LUZP2: variants seen among roughly 807,000 people sequenced by gnomAD.
LUZP2 encodes leucine zipper protein 2.
Under a neutral mutation model 51.6 loss-of-function variants are expected in LUZP2, and 52 were observed. The ratio of observed to expected loss-of-function variants is 1.01; its 90% CI spans 0.81 to 1.27. The LOEUF is 1.27. Among genes scored for constraint, LUZP2 ranks in the 50% most tolerant of loss-of-function variants. LUZP2 has a pLI of 0.00. For missense variants in LUZP2, 436 were observed against 395.4 expected (o/e 1.10, Z -0.87); for synonymous variants, 154 against 137.3 (o/e 1.12, Z -0.85).
chr11:25,040,723 G>A lies in LUZP2; in HGVS notation c.766-9315G>A, dbSNP rs898728814. On this transcript the variant is annotated intron_variant, in intron 9 of 11. Transcript: ENST00000336930. ...TCAGCCTTAATGCTCAATGTGATGA[G>A]TTGTAGAGATGAAAGGGGCATTGTC... Among the ~76,000 whole-genome samples, 3 of 152,238 alleles carry A rather than the reference G, an allele frequency of 2.0e-5. No individual in the cohort carries two copies. In the East Asian group the frequency reaches 5.8e-4, roughly 29 times the overall value.
intron 7 of LUZP2, among the ~76,000 whole-genome samples, chr11:24,932,931 G>A (rs1004724315): frequency 9.9e-5 from 15 of 152,112 alleles, no homozygotes; most frequent in Admixed American, 5.9e-4. Flanking sequence ...CTTCCCCAAG[G>A]ACCCCTGTGA....
chr11:24,971,417 G>A (rs893955985), intron 7 of LUZP2, among the ~76,000 whole-genome samples: 4 of 152,036 alleles, frequency 2.6e-5, no homozygotes, highest in African/African-American at 9.7e-5. Context: ...CTCCTGCTGT[G>A]CTGCCCAGTT....
intron 1 of LUZP2, among the ~76,000 whole-genome samples, chr11:24,588,722 C>T (rs1455869017): frequency 1.3e-5 from 2 of 151,894 alleles, no homozygotes; most frequent in Non-Finnish European, 2.9e-5. Flanking sequence ...TTATGGGAGT[C>T]TAGGCCCTCC....
At chr11:24,530,423 G>A (rs7931728) in intron 1 of LUZP2, among the ~76,000 whole-genome samples, 120,942 of 150,734 alleles carry the variant, frequency 0.8, 49,061 homozygotes, top group African/African-American at 0.92. Context: ...ATATATATGT[G>A]TACACACACA....
At chr11:24,729,356 T>C (rs1163562778) in intron 2 of LUZP2, 70 bp downstream of exon 2, 3 of 770,378 alleles carry the variant, frequency 3.9e-6, no homozygotes, top group Admixed American at 2.6e-5. Context: ...TGGATTGACA[T>C]GCATTTTTAA....
intron 5 of LUZP2, among the ~76,000 whole-genome samples, chr11:24,807,765 T>G (rs545651136): frequency 3.9e-5 from 6 of 152,278 alleles, no homozygotes; most frequent in Admixed American, 6.5e-5. Flanking sequence ...TCTTATGACC[T>G]ACTTTTCAGG....
chr11:24,960,035 G>T (rs1228258760), intron 7 of LUZP2, among the ~76,000 whole-genome samples: 4 of 151,974 alleles, frequency 2.6e-5, no homozygotes, highest in South Asian at 2.1e-4. Context: ...TGGTTCTGTT[G>T]ATATGCTGGA....
intron 9 of LUZP2, among the ~76,000 whole-genome samples, chr11:25,037,624 C>T (rs1857906829): frequency 6.6e-6 from 1 of 152,052 alleles, no homozygotes; most frequent in Admixed American, 6.6e-5. Flanking sequence ...GTTTAGCACT[C>T]CCTTAAAGAC....
intron 1 of LUZP2, among the ~76,000 whole-genome samples, chr11:24,669,465 C>T (rs1210876254): frequency 6.6e-6 from 1 of 152,036 alleles, no homozygotes; most frequent in East Asian, 1.9e-4. Context: ...TTTTATAGAA[C>T]TAACCTTTGG....
intron 5 of LUZP2, among the ~76,000 whole-genome samples, chr11:24,791,323 T>C (rs1849402212): frequency 6.6e-6 from 1 of 152,200 alleles, no homozygotes; most frequent in Non-Finnish European, 1.5e-5. Flanking sequence ...CTGAGCTATG[T>C]ATTTGAATAT....
chr11:24,502,233 A>T (rs1207706467), intron 1 of LUZP2, among the ~76,000 whole-genome samples: 2 of 152,214 alleles, frequency 1.3e-5, no homozygotes, highest in Non-Finnish European at 2.9e-5. Flanking sequence ...AAAAGAAAAA[A>T]TATAGATACA....
intron 3 of LUZP2, among the ~76,000 whole-genome samples, chr11:24,734,390 G>A (rs1858848305): frequency 6.6e-6 from 1 of 151,684 alleles, no homozygotes; most frequent in South Asian, 2.1e-4. Context: ...ATGTGAATAG[G>A]TGTTTAAGAA....
intron 1 of LUZP2, among the ~76,000 whole-genome samples, chr11:24,499,631 G>GTT (rs929420722): frequency 1.3e-5 from 2 of 152,188 alleles, no homozygotes; most frequent in Non-Finnish European, 2.9e-5. Flanking sequence ...TATTTCACAT[G>GTT]TTTAGATCAC....
intron 1 of LUZP2, among the ~76,000 whole-genome samples, chr11:24,552,180 A>G (rs1293484636): frequency 6.6e-6 from 1 of 152,060 alleles, no homozygotes; most frequent in Non-Finnish European, 1.5e-5. Flanking sequence ...ATCTTAAATA[A>G]TATATCAGCT....
chr11:25,033,200 A>T (rs1857746125), intron 9 of LUZP2, among the ~76,000 whole-genome samples: 1 of 152,158 alleles, frequency 6.6e-6, no homozygotes. Context: ...TATAAGAAGA[A>T]CTTTAGCAGA....
chr11:24,845,331 C>A (rs1206756008), intron 5 of LUZP2, among the ~76,000 whole-genome samples: 1 of 152,138 alleles, frequency 6.6e-6, no homozygotes, highest in Admixed American at 6.6e-5. Context: ...GCCTCTTTGT[C>A]TTGGACAATT....
rs552294834 is a variant in LUZP2, at chr11:24,846,266, C to A, written c.397-59725C>A. Reference sequence around the variant, plus strand: ...ATTAAGCTTAGAGGAAAATGTATAGCCCTTCATGAATATTGATAATCTGTT... The same window carrying A: ...ATTAAGCTTAGAGGAAAATGTATAGACCTTCATGAATATTGATAATCTGTT... On this transcript the variant is annotated intron_variant, in intron 5 of 11. Transcript: ENST00000336930. Among the ~76,000 whole-genome samples, 45 of 151,942 alleles carry A rather than the reference C, an allele frequency of 3.0e-4. 2 individuals are homozygous for A. The South Asian group carries it at 9.3e-3, about 32-fold the overall frequency.
chr11:25,003,471 G>T (rs977843583), intron 9 of LUZP2, among the ~76,000 whole-genome samples: 4 of 152,244 alleles, frequency 2.6e-5, no homozygotes, highest in Admixed American at 2.6e-4. Flanking sequence ...GGGTATAACT[G>T]GATATAGAGG....
intron 9 of LUZP2, among the ~76,000 whole-genome samples, chr11:25,035,703 T>A (rs1290937466): frequency 6.6e-6 from 1 of 152,094 alleles, no homozygotes; most frequent in Non-Finnish European, 1.5e-5. Flanking sequence ...AAAATATACA[T>A]CAATTTTATA....
Sources: gnomAD v4.1 joint callset for allele counts (sites outside exome capture counted in the v4.1 genomes callset) on GRCh38, gnomAD v4.1.1 for gene constraint, MANE v1.5 for transcripts, NCBI Gene and HGNC (gene_info 2026-07-23, HGNC 2026-07-21) for gene names.